The following COPG2 variants were observed in gnomAD, a reference collection of about 807,000 sequenced individuals.
COPG2 encodes the protein coat protein complex I subunit gamma 2.
In COPG2, 37 loss-of-function variants were observed where a neutral mutation model predicts 46.3. The observed-to-expected ratio is 0.80, with a 90% CI of 0.61 to 1.05. COPG2 has a LOEUF of 1.05. Ranked by LOEUF, COPG2 falls within the 50% of genes least tolerant of loss-of-function variation. The pLI is 0.00. For missense variants in COPG2, 427 were observed against 387.8 expected (o/e 1.10, Z -0.85); for synonymous variants, 159 against 129.7 (o/e 1.23, Z -1.53).
chr7:130,606,707 CCT>C (rs1236975417), intron 9 of COPG2, among the ~76,000 whole-genome samples: 1 of 152,110 alleles, frequency 6.6e-6, no homozygotes, highest in Non-Finnish European at 1.5e-5. Flanking sequence ...GGCCTGTGCC[CCT>C]GAGTTCCAGC....
At chr7:130,645,068 CA>C (rs59544911) in intron 5 of COPG2, among the ~76,000 whole-genome samples, 60,916 of 113,900 alleles carry the variant, frequency 0.53, 13,971 homozygotes, top group African/African-American at 0.7. Flanking sequence ...ATCCCAAAAA[CA>C]AAAAAAAAAA....
chr7:130,665,428 A>G (rs1796057127), intron 3 of COPG2, among the ~76,000 whole-genome samples: 1 of 152,122 alleles, frequency 6.6e-6, no homozygotes, highest in Non-Finnish European at 1.5e-5. Context: ...CTCCATAACC[A>G]TGAGTTCTGA....
At chr7:130,601,147 C>A (rs1188002492) in intron 9 of COPG2, among the ~76,000 whole-genome samples, 2 of 152,164 alleles carry the variant, frequency 1.3e-5, no homozygotes, top group African/African-American at 4.8e-5. Context: ...GAATGGCAAT[C>A]ATTAAAAAGT....
At chr7:130,646,166 CTTTAAT>C (rs1795590203) in intron 5 of COPG2, among the ~76,000 whole-genome samples, 1 of 152,218 alleles carries the variant, frequency 6.6e-6, no homozygotes, top group South Asian at 2.1e-4. Context: ...GTTTGCTCAA[CTTTAAT>C]TTTATCAGTC....
chr7:130,601,373 T>C (rs966612826), intron 9 of COPG2, among the ~76,000 whole-genome samples: 10 of 152,340 alleles, frequency 6.6e-5, no homozygotes, highest in African/African-American at 9.6e-5. Flanking sequence ...CGTATGTTTA[T>C]TGTGGCACTA....
In COPG2 at chr7:130,564,665, T is replaced by C. The variant is rs1287891227; in HGVS notation, c.738-272A>G. On this transcript the variant is annotated intron_variant, in intron 9 of 23. Coordinates refer to ENST00000425248, the MANE Select transcript of COPG2 (RefSeq NM_012133.6). Reference sequence around the variant, plus strand: ...ATCTTAGTAAAAATGGTGAAGTTTCTGGTGTTTTAACCTACTCATTCTCAA... The same window carrying C: ...ATCTTAGTAAAAATGGTGAAGTTTCCGGTGTTTTAACCTACTCATTCTCAA... Among the ~76,000 whole-genome samples, 5 of 152,308 alleles carry C rather than the reference T, an allele frequency of 3.3e-5. No homozygotes were observed. In the East Asian group the frequency reaches 7.7e-4, roughly 23 times the overall value.
At chr7:130,583,493 TAAAA>T (rs782593413) in intron 9 of COPG2, among the ~76,000 whole-genome samples, 2 of 34,368 alleles carry the variant, frequency 5.8e-5, no homozygotes, top group Non-Finnish European at 9.7e-5. Flanking sequence ...ACATAAAGTA[TAAAA>T]AAAAAAAAAA....
At chr7:130,537,100 C>T (rs1440025510) in intron 20 of COPG2, among the ~76,000 whole-genome samples, 3 of 151,666 alleles carry the variant, frequency 2.0e-5, no homozygotes, top group African/African-American at 7.3e-5. Context: ...ACCGGGGGGA[C>T]GAGGATGGGC....
chr7:130,637,913 A>T (rs1318483513), intron 5 of COPG2, among the ~76,000 whole-genome samples: 1 of 151,908 alleles, frequency 6.6e-6, no homozygotes, highest in Non-Finnish European at 1.5e-5. Context: ...TTCTGTGTGG[A>T]TGTCCTTTTT....
chr7:130,640,705 A>C (rs936213614), intron 5 of COPG2, among the ~76,000 whole-genome samples: 8 of 152,216 alleles, frequency 5.3e-5, no homozygotes, highest in Non-Finnish European at 7.3e-5. Context: ...GAAAAAGAGA[A>C]GGGAAGTAGG....
chr7:130,591,575 C>A lies in COPG2; in HGVS notation c.737+19378G>T, dbSNP rs569684689. On this transcript the variant is annotated intron_variant, in intron 9 of 23. Coordinates refer to ENST00000425248, the MANE Select transcript of COPG2 (RefSeq NM_012133.6). ...GGAAGTGAGGAGCCCCTCTGCCCGGCCAGCCGCCCCGTCCGGGAAGGAGGT... is the reference window on the plus strand; with the variant it reads ...GGAAGTGAGGAGCCCCTCTGCCCGGACAGCCGCCCCGTCCGGGAAGGAGGT... Among the ~76,000 whole-genome samples the A allele has an allele frequency of 1.5e-3, 190 of 127,784 alleles. 3 individuals are homozygous for A. In the South Asian group the frequency reaches 0.031, roughly 21 times the overall value. The allele number at this position is 127,784 out of a possible 152,430, so 83.8% of individuals were successfully genotyped here.
intron 20 of COPG2, among the ~76,000 whole-genome samples, chr7:130,513,740 A>AG (rs1317961867): frequency 6.6e-6 from 1 of 152,218 alleles, no homozygotes; most frequent in African/African-American, 2.4e-5. Flanking sequence ...AAGTGTTTTC[A>AG]GAGTAGTGTG....
intron 20 of COPG2, among the ~76,000 whole-genome samples, chr7:130,533,285 C>A (rs2116361793): frequency 6.8e-6 from 1 of 147,262 alleles, no homozygotes; most frequent in African/African-American, 2.5e-5. Context: ...CAGCCTGAAG[C>A]TCTAAGGTGT....
chr7:130,616,439 A>C (rs1377935472), intron 6 of COPG2, among the ~76,000 whole-genome samples: 2 of 152,164 alleles, frequency 1.3e-5, no homozygotes, highest in Non-Finnish European at 2.9e-5. Context: ...CAAAAAAAAA[A>C]ATTAGCCAGG....
intron 20 of COPG2, among the ~76,000 whole-genome samples, chr7:130,537,881 G>A (rs1440069543): frequency 1.3e-5 from 2 of 152,202 alleles, no homozygotes; most frequent in African/African-American, 4.8e-5. Context: ...GGGTGTAGAG[G>A]TGTTGGCACC....
chr7:130,629,647 C>T (rs891319332), intron 5 of COPG2, among the ~76,000 whole-genome samples: 3 of 152,020 alleles, frequency 2.0e-5, no homozygotes, highest in African/African-American at 4.8e-5. Context: ...CCACCCACCT[C>T]GGCCTCCCAA....
chr7:130,605,644 C>T, intron 9 of COPG2: 1 of 480,250 alleles, frequency 2.1e-6, no homozygotes, highest in Admixed American at 2.2e-5. Context: ...AGACTAACCT[C>T]CAGCTGAAAG....
At chr7:130,665,231 A>G (rs1330858865) in intron 3 of COPG2, among the ~76,000 whole-genome samples, 1 of 152,204 alleles carries the variant, frequency 6.6e-6, no homozygotes, top group African/African-American at 2.4e-5. Context: ...TTTGTAAACA[A>G]GAAAACTTTA....
chr7:130,520,394 T>C (rs1296834109), intron 20 of COPG2, among the ~76,000 whole-genome samples: 1 of 152,148 alleles, frequency 6.6e-6, no homozygotes, highest in African/African-American at 2.4e-5. Context: ...TAGTCTGGGT[T>C]TGGAATATGC....
Sources: gnomAD v4.1 joint callset for allele counts (sites outside exome capture counted in the v4.1 genomes callset) on GRCh38, gnomAD v4.1.1 for gene constraint, MANE v1.5 for transcripts, NCBI Gene and HGNC (gene_info 2026-07-23, HGNC 2026-07-21) for gene names.